Variants in FBRS observed in about 807,000 individuals in gnomAD.
FBRS encodes the protein fibrosin.
Under a neutral mutation model 86.1 loss-of-function variants are expected in FBRS, and 15 were observed. That is an observed-to-expected ratio of 0.17 (90% CI 0.12 to 0.27). FBRS has a LOEUF of 0.27. FBRS is among the 10% of genes least tolerant of loss of function. The pLI is 1.00. For synonymous variants in FBRS, 666 were observed against 575.8 expected (o/e 1.16, Z -2.24); for missense variants, 1,367 against 1,301.6 (o/e 1.05, Z -0.77).
Position 30,662,566 on chromosome 16 carries a change from C to A in FBRS, c.762C>A (p.Gly254=). The A allele has an allele frequency of 6.5e-7, 1 of 1,543,358 alleles. No individual in the cohort carries two copies. The change falls in exon 6 of 18, where the codon GGC becomes GGA. Residue 254 remains glycine (G), a synonymous_variant. Transcript: ENST00000356166. ...TGCCATCCTGCCCCACAGCCTCGGGCCCCCACGGCGCCTTCAATGGGAACT... is the reference window on the plus strand; with the variant it reads ...TGCCATCCTGCCCCACAGCCTCGGGACCCCACGGCGCCTTCAATGGGAACT... The part of the protein sequence containing the change: ...SFTVSTSKAS[G]PHGAFNGNCE...
rs1313302386 is a variant in FBRS at position 30,659,314 on chromosome 16, C to G, written c.-205C>G. 5.3e-6 allele frequency: 1 copy of G among 187,840 alleles called. No homozygotes were observed. Among genetic ancestry groups the G allele is most frequent in the Non-Finnish European group, 1.1e-5 (1 of 92,066 alleles). 11.6% of individuals were successfully genotyped at this position (187,840 alleles called of 1,614,324 possible). A position where few individuals can be genotyped will look rare whatever the true frequency, so the allele number is the denominator to read the frequency against. On this transcript the variant is annotated 5_prime_UTR_variant, in exon 1 of 18. Coordinates refer to ENST00000356166, the MANE Select transcript of FBRS (RefSeq NM_001105079.3). ...CCCCGCCGAGCCCGCAGGGGGGGCC[C>G]TCGGGCTTGTCGCCCCGGGGGCGGC... is the stretch of plus-strand genomic sequence containing the variant.
In FBRS at chr16:30,664,731, C is replaced by T; in HGVS notation, c.1374C>T (p.Gly458=). Residue 458 remains glycine, a synonymous_variant, in exon 8 of 18, where the codon GGC becomes GGT. Transcript: ENST00000356166. ...ANALSEQDLI[G]QDLNSRYLNA... ...CTCCCACAGAGCAGGACCTGATCGG[C>T]CAGGACCTGAACTCTCGCTACCTGA... 1.3e-6 allele frequency: 2 copies of T among 1,544,160 alleles called. No individual in the cohort carries two copies. The highest frequency in any genetic ancestry group is 1.8e-6 in the Non-Finnish European group (2 of 1,142,576).
In FBRS at chr16:30,663,088, C is replaced by T. The variant is rs570213234; in HGVS notation, c.1055+229C>T. On this transcript the variant is annotated intron_variant, in intron 6 of 17. Coordinates refer to ENST00000356166, the MANE Select transcript of FBRS (RefSeq NM_001105079.3). ...TCCCAGTTGTGTTTGCTGGTGAGAA[C>T]GTTTTTTCAGGCAGGCAAGTCTGCT... is the stretch of plus-strand genomic sequence containing the variant. 60 of 812,704 alleles carry T rather than the reference C, an allele frequency of 7.4e-5. No homozygotes were observed. In the South Asian group the frequency reaches 2.6e-3, roughly 35 times the overall value. The allele number at this position is 812,704 out of a possible 1,614,324, so 50.3% of individuals were successfully genotyped here. A position where few individuals can be genotyped will look rare whatever the true frequency, so the allele number is the denominator to read the frequency against.
chr16:30,660,958 G>A (rs2052452514), intron 2 of FBRS, among the ~76,000 whole-genome samples: 1 of 152,142 alleles, frequency 6.6e-6, no homozygotes, highest in Non-Finnish European at 1.5e-5. Context: ...GAAAAGACAC[G>A]GGGAAAAGTT....
At chr16:30,660,637 G>T (rs1399893472) in intron 2 of FBRS, 195 bp downstream of exon 2, 3 of 904,452 alleles carry the variant, frequency 3.3e-6, no homozygotes, top group South Asian at 4.9e-5. Context: ...CCTTTTGCCT[G>T]GTTCTGTGTC....
intron 4 of FBRS, among the ~76,000 whole-genome samples, 172 bp downstream of exon 4, chr16:30,661,505 G>A (rs759079245): frequency 2.0e-5 from 3 of 152,156 alleles, no homozygotes; most frequent in Non-Finnish European, 4.4e-5. Context: ...GGTAAATGGC[G>A]TCATTTTTTC....
intron 7 of FBRS, 98 bp downstream of exon 7, chr16:30,664,614 T>TGAGGAGGGAGTGGCTC (rs1332676979): frequency 1.4e-6 from 2 of 1,439,316 alleles, no homozygotes; most frequent in Non-Finnish European, 1.8e-6. Flanking sequence ...CAGCAGGGCT[T>TGAGGAGGGAGTGGCTC]GAGGAGGGAG....
At position 30,666,903 on chromosome 16, in the gene FBRS, C is replaced by A; in HGVS notation, c.1804-16C>A. 6.2e-7 allele frequency: 1 copy of A among 1,609,976 alleles called. No homozygotes were observed. The highest frequency in any genetic ancestry group is 1.1e-5 in the South Asian group (1 of 90,082). On this transcript the variant is annotated splice_polypyrimidine_tract_variant and intron_variant, in intron 12 of 17. Transcript: ENST00000356166. ...TTTCCTTCCCTTTCCCTTTGGTCAT[C>A]CTTCTGGGGCGGCAGAAACCAGGGA...
At position 30,659,622 on chromosome 16, in the gene FBRS, G is replaced by A. The variant is rs1326168059; in HGVS notation, c.104G>A (p.Arg35His). The A allele has an allele frequency of 2.6e-6, 1 of 391,850 alleles. No homozygotes were observed. Among genetic ancestry groups the A allele is most frequent in the Non-Finnish European group, 4.5e-6 (1 of 224,238 alleles). 24.3% of individuals were successfully genotyped at this position (391,850 alleles called of 1,614,324 possible). ...CGAGACCGAGACCGGGAGCAGCGGC[G>A]CCGCCGAGGTCCAGGCGGCGACGCG... Reference protein sequence around the residue: ...SRRDRDREQRRRRGPGGDAPR... With the variant: ...SRRDRDREQRHRRGPGGDAPR... The change falls in exon 1 of 18, where the codon CGC (arginine) becomes CAC (histidine). Residue 35 changes from arginine (R) to histidine (H), a missense_variant. By Grantham distance (29) the Arg-to-His change is conservative (BLOSUM62 0). Coordinates refer to ENST00000356166, the MANE Select transcript of FBRS (RefSeq NM_001105079.3).
At position 30,659,623 on chromosome 16, in the gene FBRS, C is replaced by A; in HGVS notation, c.105C>A (p.Arg35=). The A allele has an allele frequency of 5.1e-6, 2 of 394,842 alleles. No individual in the cohort carries two copies. Among genetic ancestry groups the A allele is most frequent in the Non-Finnish European group, 4.4e-6 (1 of 226,260 alleles). 24.5% of individuals were successfully genotyped at this position (394,842 alleles called of 1,614,324 possible). The change falls in exon 1 of 18, where the codon CGC becomes CGA. Residue 35 remains arginine, a synonymous_variant. Transcript: ENST00000356166. The part of the protein sequence containing the change: ...SRRDRDREQR[R]RRGPGGDAPR... Reference sequence around the variant, plus strand: ...GAGACCGAGACCGGGAGCAGCGGCGCCGCCGAGGTCCAGGCGGCGACGCGC... The same window carrying A: ...GAGACCGAGACCGGGAGCAGCGGCGACGCCGAGGTCCAGGCGGCGACGCGC...
At position 30,664,231 on chromosome 16, in the gene FBRS, C is replaced by T; in HGVS notation, c.1072C>T (p.Pro358Ser). ...TCTCCCCAGCTCTTCACGGCCGCCC[C>T]CCAAGGCCCCGGCCCCTCCCGTGGC... ...LSTGSSSRPP[P>S]KAPAPPVAQP... Residue 358 changes from proline (P) to serine (S), a missense_variant, in exon 7 of 18, where the codon CCC becomes TCC. Pro to Ser is a moderately conservative substitution (Grantham distance 74). Coordinates refer to ENST00000356166, the MANE Select transcript of FBRS (RefSeq NM_001105079.3). 1 of 1,442,616 alleles carries T rather than the reference C, an allele frequency of 6.9e-7. No individual in the cohort carries two copies. The highest frequency in any genetic ancestry group is 1.4e-5 in the African/African-American group (1 of 70,222). 89.4% of individuals were successfully genotyped at this position (1,442,616 alleles called of 1,614,324 possible).
In FBRS at chr16:30,665,177, AAAGC is replaced by A. The variant is rs1360993190; in HGVS notation, c.1608+102_1608+105del. On this transcript the variant is annotated intron_variant, in intron 9 of 17. Coordinates refer to ENST00000356166, the MANE Select transcript of FBRS (RefSeq NM_001105079.3). The surrounding 1 kb of genome is among the most constrained non-coding windows in gnomAD (Gnocchi z 4.1). ...CTGCTGGGGTCCAGTCTTCAGCACAAAAGCAAGAGCCTTGAGCCTGGGACAGCTC... is the reference window on the plus strand; with the variant it reads ...CTGCTGGGGTCCAGTCTTCAGCACAAAAGAGCCTTGAGCCTGGGACAGCTC... 6.5e-7 allele frequency: 1 copy of A among 1,539,662 alleles called. No homozygotes were observed. Among genetic ancestry groups the A allele is most frequent in the Non-Finnish European group, 8.8e-7 (1 of 1,139,996 alleles).
intron 14 of FBRS, 42 bp from the exon 15 acceptor site, chr16:30,667,500 G>A (rs1228186999): frequency 6.6e-7 from 1 of 1,511,140 alleles, no homozygotes; most frequent in South Asian, 1.2e-5. Flanking sequence ...CCCAGCTTGT[G>A]CCCACTCAGC....
At position 30,659,899 on chromosome 16, in the gene FBRS, TGAGGAG is replaced by T. The variant is rs746692583; in HGVS notation, c.387_392del (p.Glu134_Glu135del). ...ACGACGGCGAAGCCGAGGAGGAGCC[TGAGGAG>T]GAGGAAGAGGAGGAGGAGGACTTGA... On this transcript the variant is annotated inframe_deletion, in exon 1 of 18. Transcript: ENST00000356166. The T allele has an allele frequency of 9.0e-6, 14 of 1,550,028 alleles. No homozygotes were observed. Among genetic ancestry groups the T allele is most frequent in the African/African-American group, 1.4e-5 (1 of 72,934 alleles).
chr16:30,660,665 T>TA, intron 2 of FBRS: 1 of 706,030 alleles, frequency 1.4e-6, no homozygotes, highest in East Asian at 3.4e-5. Context: ...AACGTTTTGA[T>TA]AATTCAGAGA....
In FBRS at chr16:30,658,864, G is replaced by A. The variant is rs1422597819; in HGVS notation, c.-655G>A. 1.3e-5 allele frequency: 2 copies of A among 152,282 alleles called. No homozygotes were observed. Among genetic ancestry groups the A allele is most frequent in the Non-Finnish European group, 2.9e-5 (2 of 68,128 alleles). 9.4% of individuals were successfully genotyped at this position (152,282 alleles called of 1,614,324 possible). A position where few individuals can be genotyped will look rare whatever the true frequency, so the allele number is the denominator to read the frequency against. Reference sequence around the variant, plus strand: ...AGCAGACGCTGACAAATTGAGAACTGTGCCGTTGGGAGAACTGGGGCGAGT... The same window carrying A: ...AGCAGACGCTGACAAATTGAGAACTATGCCGTTGGGAGAACTGGGGCGAGT... On this transcript the variant is annotated 5_prime_UTR_variant, in exon 1 of 18. It adds an upstream start codon to the 5' untranslated region. Coordinates refer to ENST00000356166, the MANE Select transcript of FBRS (RefSeq NM_001105079.3).
Position 30,667,550 on chromosome 16 carries a change from CACGCTGCAGCCA to C in FBRS, c.2005_2016del (p.Ala669_Asn672del). On this transcript the variant is annotated inframe_deletion, in exon 15 of 18. Transcript: ENST00000356166. Reference sequence around the variant, plus strand: ...CCACCTCTCTGCCCCAGGTGCCGTCCACGCTGCAGCCAACCCTTTCACGGCAGCTCCCGGGGC... The same window carrying C: ...CCACCTCTCTGCCCCAGGTGCCGTCCACCCTTTCACGGCAGCTCCCGGGGC... The C allele has an allele frequency of 6.5e-7, 1 of 1,539,160 alleles. No individual in the cohort carries two copies. The highest frequency in any genetic ancestry group is 1.2e-5 in the South Asian group (1 of 82,586).
At chr16:30,663,916 A>T (rs1057493315) in intron 6 of FBRS, among the ~76,000 whole-genome samples, 7 of 152,192 alleles carry the variant, frequency 4.6e-5, no homozygotes, top group Admixed American at 3.9e-4. Flanking sequence ...ATTAAGCGTC[A>T]ACATGAATGA....
rs2052522674 is a variant in FBRS, at chr16:30,666,447, A to G, written c.1774-65A>G. On this transcript the variant is annotated intron_variant, in intron 11 of 17. Transcript: ENST00000356166. ...TTGGGGGTGAGTGGATGCTGTGGAG[A>G]TGCGAGGCGCCTGGCCCAGGACTCG... The G allele has an allele frequency of 3.7e-6, 6 of 1,603,436 alleles. No individual in the cohort carries two copies. In the African/African-American group the frequency reaches 6.7e-5, roughly 18 times the overall value.
Sources: allele counts gnomAD v4.1 joint callset (sites outside exome capture counted in the v4.1 genomes callset), GRCh38; gene constraint gnomAD v4.1.1; non-coding constraint Gnocchi (gnomAD v3.1); transcripts MANE v1.5; gene names NCBI Gene and HGNC (gene_info 2026-07-23, HGNC 2026-07-21).